The following SEMA6D variants were observed in gnomAD, a reference collection of about 807,000 sequenced individuals.
The protein encoded by SEMA6D is semaphorin-6D.
Under a neutral mutation model 106.6 loss-of-function variants are expected in SEMA6D, and 35 were observed. The ratio of observed to expected loss-of-function variants is 0.33; its 90% CI spans 0.25 to 0.44. SEMA6D has a LOEUF of 0.44. Ranked by LOEUF, SEMA6D falls within the 20% of genes least tolerant of loss-of-function variation. SEMA6D has a pLI of 1.00. For missense variants in SEMA6D, 1,185 were observed against 1,345.9 expected, an observed-to-expected ratio of 0.88 and a Z score of 1.87; for synonymous variants, 499 against 487.7, an observed-to-expected ratio of 1.02 and a Z score of -0.31.
At chr15:47,618,749 T>G (rs752766279) in intron 4 of SEMA6D, among the ~76,000 whole-genome samples, 3 of 152,218 alleles carry the variant, frequency 2.0e-5, no homozygotes, top group Non-Finnish European at 4.4e-5. Flanking sequence ...GTTGAATGAC[T>G]GCTACAATAC....
intron 3 of SEMA6D, among the ~76,000 whole-genome samples, chr15:47,580,648 C>A (rs1400400158): frequency 6.6e-6 from 1 of 152,092 alleles, no homozygotes; most frequent in Non-Finnish European, 1.5e-5. Context: ...ATTTATTCAA[C>A]AATTATTGAT....
rs182740077 is a variant in SEMA6D at position 47,357,192 on chromosome 15, G to A, written c.-238-55201G>A. ...TACTAAAAATACAAAAAATTAGCCG[G>A]GCGAGGTGGCGGGCACCTGTAGTCC... On this transcript the variant is annotated intron_variant, in intron 1 of 19. Transcript: ENST00000558014. 1.6e-3 allele frequency among the ~76,000 whole-genome samples: 239 copies of A among 152,052 alleles called. 2 individuals are homozygous for A. The highest frequency in any genetic ancestry group is 5.6e-3 in the African/African-American group (232 of 41,476).
chr15:47,202,652 C>A (rs1386841447), intron 1 of SEMA6D, among the ~76,000 whole-genome samples: 1 of 152,198 alleles, frequency 6.6e-6, no homozygotes, highest in Non-Finnish European at 1.5e-5. Context: ...ACCTTCGTGG[C>A]CCTCTTCCAA....
chr15:47,490,707 G>A (rs908210318), intron 3 of SEMA6D, among the ~76,000 whole-genome samples: 68 of 152,176 alleles, frequency 4.5e-4, no homozygotes, highest in African/African-American at 1.6e-3. Flanking sequence ...TAAACATACA[G>A]CTGACAAAAG....
chr15:47,715,651 C>A (rs894989690), upstream of SEMA6D, among the ~76,000 whole-genome samples: 1 of 152,278 alleles, frequency 6.6e-6, no homozygotes, highest in Non-Finnish European at 1.5e-5. Context: ...TATCCTTCTG[C>A]AATCTAAAAG....
chr15:47,240,669 C>T (rs951483129), intron 1 of SEMA6D, among the ~76,000 whole-genome samples: 14 of 152,110 alleles, frequency 9.2e-5, no homozygotes, highest in African/African-American at 3.4e-4. Context: ...TGAATATTAA[C>T]ATTTATTTTC....
intron 1 of SEMA6D, among the ~76,000 whole-genome samples, chr15:47,408,535 TCTTCCA>T (rs1284727040): frequency 2.6e-5 from 4 of 152,196 alleles, no homozygotes; most frequent in Admixed American, 2.6e-4. Flanking sequence ...GGCTGAAAAT[TCTTCCA>T]CTTCCAGTGC....
chr15:47,445,798 T>G (rs1394002461), intron 2 of SEMA6D, among the ~76,000 whole-genome samples: 1 of 152,030 alleles, frequency 6.6e-6, no homozygotes, highest in Non-Finnish European at 1.5e-5. Context: ...CCCCTCAGCA[T>G]ATGTTCATGT....
At chr15:47,350,764 G>A (rs191530093) in intron 1 of SEMA6D, among the ~76,000 whole-genome samples, 1 of 152,210 alleles carries the variant, frequency 6.6e-6, no homozygotes, top group Non-Finnish European at 1.5e-5. Flanking sequence ...AGATGTTGTG[G>A]GTTCAAATTG....
intron 4 of SEMA6D, among the ~76,000 whole-genome samples, chr15:47,681,006 G>T (rs79923621): frequency 2.6e-5 from 4 of 152,110 alleles, no homozygotes; most frequent in Admixed American, 2.6e-4. Context: ...TGTTGTTGCC[G>T]CTATGGAAAA....
chr15:47,446,425 A>G (rs1257453647), intron 2 of SEMA6D, among the ~76,000 whole-genome samples: 3 of 152,138 alleles, frequency 2.0e-5, no homozygotes, highest in South Asian at 2.1e-4. Context: ...GCTAAATTGT[A>G]TGCATACACT....
At position 47,672,335 on chromosome 15, in the gene SEMA6D, A is replaced by G. The variant is rs141489113; in HGVS notation, c.-55+71439A>G. ...TTTCCTGATCATCCCCATTTTCCCT[A>G]TCGGAAACAGATTCATAGAAAGTGA... On this transcript the variant is annotated intron_variant, in intron 4 of 19. Coordinates refer to the SEMA6D transcript ENST00000558014. 1.4e-4 allele frequency among the ~76,000 whole-genome samples: 22 copies of G among 152,256 alleles called. No individual in the cohort carries two copies. The East Asian group carries it at 4.3e-3, about 29-fold the overall frequency.
At chr15:47,236,169 G>T (rs1210221449) in intron 1 of SEMA6D, among the ~76,000 whole-genome samples, 1 of 152,112 alleles carries the variant, frequency 6.6e-6, no homozygotes, top group Non-Finnish European at 1.5e-5. Flanking sequence ...GTTTTGGCCA[G>T]ATTTTTAAAT....
intron 2 of SEMA6D, among the ~76,000 whole-genome samples, chr15:47,432,484 CTA>C (rs905350396): frequency 1.8e-4 from 20 of 109,494 alleles, no homozygotes; most frequent in South Asian, 1.8e-3. Flanking sequence ...ACATTTATTT[CTA>C]TATATATATA....
intron 3 of SEMA6D, among the ~76,000 whole-genome samples, chr15:47,568,121 C>T (rs1421102084): frequency 6.7e-6 from 1 of 148,212 alleles, no homozygotes; most frequent in East Asian, 2.0e-4. Flanking sequence ...GGAGATGTAA[C>T]TTGGAGACCA....
intron 1 of SEMA6D, among the ~76,000 whole-genome samples, chr15:47,393,662 G>C (rs535191928): frequency 3.3e-5 from 5 of 152,248 alleles, no homozygotes; most frequent in East Asian, 3.9e-4. Context: ...AACAACACTG[G>C]TTAGCAGCAT....
chr15:47,409,902 G>T (rs12442215), intron 1 of SEMA6D, among the ~76,000 whole-genome samples: 6,959 of 152,048 alleles, frequency 0.046, 359 homozygotes, highest in African/African-American at 0.12. Context: ...GGGGTTGTGG[G>T]GGGGGTGGGG....
chr15:47,351,112 C>G (rs964790212), intron 1 of SEMA6D, among the ~76,000 whole-genome samples: 2 of 152,158 alleles, frequency 1.3e-5, no homozygotes, highest in African/African-American at 4.8e-5. Context: ...TTTCTTGTCT[C>G]TGTTTCTCTG....
Position 47,766,657 on chromosome 15 carries a change from C to T in SEMA6D, c.1688C>T (p.Ala563Val), listed in dbSNP as rs1317675378. Reference protein sequence around the residue: ...YEQDTEFGNTAHLGDCHEILP... With the variant: ...YEQDTEFGNTVHLGDCHEILP... ...CAAGACACAGAATTCGGCAACACAG[C>T]TCATCTAGGGGACTGCCATGGTAAG... Residue 563 changes from alanine (A) to valine (V), a missense_variant, in exon 16 of 19, where the codon GCT (alanine) becomes GTT (valine). By Grantham distance (64) the Ala-to-Val change is moderately conservative (BLOSUM62 0). This residue lies in a region of SEMA6D where 750 missense variants were observed against 783.5 expected (regional missense o/e 0.96). Coordinates refer to ENST00000536845, the MANE Select transcript of SEMA6D (RefSeq NM_001358351.3). 2 of 1,611,472 alleles carry T rather than the reference C, an allele frequency of 1.2e-6. No individual in the cohort carries two copies. Among genetic ancestry groups the T allele is most frequent in the Non-Finnish European group, 1.7e-6 (2 of 1,177,972 alleles).
Sources: gnomAD v4.1 joint callset for allele counts (sites outside exome capture counted in the v4.1 genomes callset) on GRCh38, gnomAD v4.1.1 for gene constraint, gnomAD v4.1.1 regional missense constraint, MANE v1.5 for transcripts, NCBI Gene and HGNC (gene_info 2026-07-23, HGNC 2026-07-21) for gene names.